The following BRWD1 variants were observed in gnomAD, a reference collection of about 807,000 sequenced individuals.
BRWD1 encodes bromodomain and WD repeat domain containing 1.
In BRWD1, 82 loss-of-function variants were observed where a neutral mutation model predicts 251.2. That is an observed-to-expected ratio of 0.33 (90% CI 0.27 to 0.39). BRWD1 has a LOEUF of 0.39. Among genes scored for constraint, BRWD1 ranks in the 10% least tolerant of loss-of-function variants. BRWD1 has a pLI of 1.00. For synonymous variants in BRWD1, 918 were observed against 902.8 expected (o/e 1.02, Z -0.30); for missense variants, 2,233 against 2,711.6 (o/e 0.82, Z 3.92).
chr21:39,233,188 A>G (rs1049845191), intron 23 of BRWD1, among the ~76,000 whole-genome samples: 1 of 152,178 alleles, frequency 6.6e-6, no homozygotes, highest in African/African-American at 2.4e-5. Context: ...GCCAAAAGCC[A>G]TATGAATAAG....
At chr21:39,296,864 C>T in intron 5 of BRWD1, 1 of 980,748 alleles carries the variant, frequency 1.0e-6, no homozygotes, top group South Asian at 4.7e-5. Context: ...TCCAACTTTT[C>T]AAAAATGGAA....
In BRWD1 at chr21:39,310,999, A is replaced by T. The variant is rs536340510; in HGVS notation, c.198+1842T>A. 4.7e-4 allele frequency among the ~76,000 whole-genome samples: 72 copies of T among 152,134 alleles called. 2 individuals are homozygous for T. The South Asian group carries it at 0.015, about 32-fold the overall frequency. On this transcript the variant is annotated intron_variant, in intron 4 of 40. Transcript: ENST00000342449. ...GGGACTGGAGGGCAGAGAGGAAGGTAAAAAAAGAAAGGACACCCACCAGAC... is the reference window on the plus strand; with the variant it reads ...GGGACTGGAGGGCAGAGAGGAAGGTTAAAAAAGAAAGGACACCCACCAGAC...
At position 39,313,619 on chromosome 21, in the gene BRWD1, CGT is replaced by C; in HGVS notation, c.-130_-129del. ...GCCGCCGCCGCCGCCGCCGCCATAC[CGT>C]GCGCGCCGCCTGGACCGACGCCTCC... On this transcript the variant is annotated 5_prime_UTR_variant, in exon 1 of 41. Coordinates refer to ENST00000342449, the MANE Select transcript of BRWD1 (RefSeq NM_033656.4). 2.8e-6 allele frequency: 2 copies of C among 720,736 alleles called. No homozygotes were observed. Among genetic ancestry groups the C allele is most frequent in the Non-Finnish European group, 3.8e-6 (2 of 523,918 alleles). The allele number at this position is 720,736 out of a possible 1,614,324, so 44.6% of individuals were successfully genotyped here.
At chr21:39,264,408 A>C (rs1475938011) in intron 17 of BRWD1, 52 bp downstream of exon 17, 1 of 1,108,726 alleles carries the variant, frequency 9.0e-7, no homozygotes, top group South Asian at 1.6e-5. Context: ...ATTATACTTT[A>C]AAATATTCAA....
chr21:39,315,009 TTTA>T (rs1450106998), upstream of BRWD1: 1 of 152,124 alleles, frequency 6.6e-6, no homozygotes, highest in Non-Finnish European at 1.5e-5. Flanking sequence ...AGCAAAAGCT[TTTA>T]TTTATTTTGA....
chr21:39,255,796 G>C lies in BRWD1; in HGVS notation c.2104C>G (p.Pro702Ala). The C allele has an allele frequency of 6.2e-7, 1 of 1,614,094 alleles. No individual in the cohort carries two copies. The highest frequency in any genetic ancestry group is 8.5e-7 in the Non-Finnish European group (1 of 1,179,998). The change falls in exon 19 of 41, where the codon CCT becomes GCT. Residue 702 changes from proline to alanine, a missense_variant. Physicochemically the swap from Pro to Ala is conservative, Grantham distance 27 (BLOSUM62 -1). Around this residue, in one of 12 missense-constraint regions of BRWD1, gnomAD observed 73 missense variants for 68.1 expected, o/e 1.07. Coordinates refer to ENST00000342449, the MANE Select transcript of BRWD1 (RefSeq NM_033656.4). ...CTACGACGCAGACCAATATTTGGAG[G>C]GGACTGAATGTCTAAGCTCAGCCTT... ...FRRLSLDIQS[P>A]PNIGLRRSGQ...
In BRWD1 at chr21:39,194,271, T is replaced by G. The variant is rs2031699361; in HGVS notation, c.*1988A>C. 1 of 990,534 alleles carries G rather than the reference T, an allele frequency of 1.0e-6. No individual in the cohort carries two copies. The highest frequency in any genetic ancestry group is 1.2e-6 in the Non-Finnish European group (1 of 831,850). 61.4% of individuals were successfully genotyped at this position (990,534 alleles called of 1,614,324 possible). A position where few individuals can be genotyped will look rare whatever the true frequency, so the allele number is the denominator to read the frequency against. ...TTCCATATTTATTTATGGATTTTTT[T>G]GGTACCTTTTTGCAAATGATGGTAA... On this transcript the variant is annotated 3_prime_UTR_variant, in exon 41 of 41. Coordinates refer to ENST00000342449, the MANE Select transcript of BRWD1 (RefSeq NM_033656.4).
intron 15 of BRWD1, among the ~76,000 whole-genome samples, chr21:39,266,295 T>C (rs577343560): frequency 6.6e-6 from 1 of 151,704 alleles, no homozygotes; most frequent in Admixed American, 6.6e-5. Flanking sequence ...GGAAAAAAAT[T>C]GTGTGTGTAT....
intron 31 of BRWD1, among the ~76,000 whole-genome samples, chr21:39,217,821 T>G (rs998385198): frequency 6.6e-6 from 1 of 152,174 alleles, no homozygotes; most frequent in African/African-American, 2.4e-5. Context: ...TAAAACAAAT[T>G]ATGTCTTCAA....
chr21:39,194,671 A>C lies in BRWD1; in HGVS notation c.*1588T>G, dbSNP rs1395688592. 1 of 1,534,366 alleles carries C rather than the reference A, an allele frequency of 6.5e-7. No individual in the cohort carries two copies. The highest frequency in any genetic ancestry group is 2.4e-5 in the East Asian group (1 of 40,884). ...GATAACTACAAAATAGGAACACTTCAGAACATTCTCTAACATTAATACCAG... is the reference window on the plus strand; with the variant it reads ...GATAACTACAAAATAGGAACACTTCCGAACATTCTCTAACATTAATACCAG... On this transcript the variant is annotated 3_prime_UTR_variant, in exon 41 of 41. Transcript: ENST00000342449.
intron 21 of BRWD1, among the ~76,000 whole-genome samples, chr21:39,240,704 T>G (rs2033958066): frequency 6.6e-6 from 1 of 152,228 alleles, no homozygotes; most frequent in African/African-American, 2.4e-5. Flanking sequence ...AAGGATCATA[T>G]GGAGTGATCT....
intron 15 of BRWD1, among the ~76,000 whole-genome samples, chr21:39,265,867 G>A (rs189125679): frequency 5.9e-5 from 9 of 152,332 alleles, no homozygotes; most frequent in African/African-American, 2.2e-4. Flanking sequence ...AGAGATTTCA[G>A]AAAGGATGCT....
chr21:39,261,107 C>G (rs1044766155), intron 17 of BRWD1, among the ~76,000 whole-genome samples: 2 of 152,126 alleles, frequency 1.3e-5, no homozygotes, highest in African/African-American at 2.4e-5. Flanking sequence ...CACCTGTACT[C>G]CCAGCTACGT....
At chr21:39,203,310 G>T (rs189500987) in intron 37 of BRWD1, among the ~76,000 whole-genome samples, 82 of 152,012 alleles carry the variant, frequency 5.4e-4, no homozygotes, top group African/African-American at 1.8e-3. Flanking sequence ...AAATTAGCTG[G>T]GCATAGTTGT....
Position 39,206,096 on chromosome 21 carries a change from T to A in BRWD1, c.4364+12A>T. 6.3e-7 allele frequency: 1 copy of A among 1,594,540 alleles called. No individual in the cohort carries two copies. The highest frequency in any genetic ancestry group is 8.5e-7 in the Non-Finnish European group (1 of 1,172,294). On this transcript the variant is annotated intron_variant, in intron 37 of 40. Transcript: ENST00000342449. ...ATAAATAAATAAAGCAAGCTTGCCA[T>A]AACCAGTTTACCTGATACTTTTGTT...
At chr21:39,198,030 C>A (rs1224726392) in intron 40 of BRWD1, among the ~76,000 whole-genome samples, 1 of 152,112 alleles carries the variant, frequency 6.6e-6, no homozygotes, top group Non-Finnish European at 1.5e-5. Context: ...AAACTGTTTA[C>A]CATAGCACTA....
chr21:39,220,131 T>G (rs565812065), intron 29 of BRWD1, among the ~76,000 whole-genome samples: 1 of 152,128 alleles, frequency 6.6e-6, no homozygotes, highest in East Asian at 1.9e-4. Context: ...TGGGTGGGTG[T>G]GTGGGTGTGT....
Position 39,313,583 on chromosome 21 carries a change from AGG to A in BRWD1, c.-94_-93del. 12 of 1,057,362 alleles carry A rather than the reference AGG, an allele frequency of 1.1e-5. No homozygotes were observed. The highest frequency in any genetic ancestry group is 1.4e-5 in the Non-Finnish European group (12 of 851,668). The allele number at this position is 1,057,362 out of a possible 1,614,324, so 65.5% of individuals were successfully genotyped here. A position where few individuals can be genotyped will look rare whatever the true frequency, so the allele number is the denominator to read the frequency against. On this transcript the variant is annotated 5_prime_UTR_variant, in exon 1 of 41. An upstream open reading frame in the 5' UTR loses its in-frame stop. Coordinates refer to ENST00000342449, the MANE Select transcript of BRWD1 (RefSeq NM_033656.4). ...GACCGGGCTGGCGTCCCCTCTTCTC[AGG>A]CGCGCGCCGCCGCCGCCGCCGCCGC...
intron 23 of BRWD1, among the ~76,000 whole-genome samples, chr21:39,233,060 C>T (rs2033678655): frequency 6.6e-6 from 1 of 152,024 alleles, no homozygotes; most frequent in African/African-American, 2.4e-5. Context: ...GGGGCTTATC[C>T]CTGGCTACTG....
Sources: allele counts gnomAD v4.1 joint callset (sites outside exome capture counted in the v4.1 genomes callset), GRCh38; gene constraint gnomAD v4.1.1; regional missense constraint gnomAD v4.1.1; transcripts MANE v1.5; gene names NCBI Gene and HGNC (gene_info 2026-07-23, HGNC 2026-07-21).